Variants in DEAF1 observed in about 807,000 individuals in gnomAD.
DEAF1 encodes DEAF1 transcription factor, also known as deformed epidermal autoregulatory factor 1 homolog.
In DEAF1, 53 loss-of-function variants were observed where a neutral mutation model predicts 58.9. The ratio of observed to expected loss-of-function variants is 0.90; its 90% CI spans 0.72 to 1.13. DEAF1 has a LOEUF of 1.13. Among genes scored for constraint, DEAF1 ranks in the 50% most tolerant of loss-of-function variants. The pLI, the probability that DEAF1 is intolerant of heterozygous loss-of-function variation, is 0.00. For synonymous variants in DEAF1, 385 were observed against 340.4 expected (o/e 1.13, Z -1.44); for missense variants, 685 against 791.4 (o/e 0.87, Z 1.61).
chr11:663,087 G>A (rs1387159486), intron 10 of DEAF1, among the ~76,000 whole-genome samples: 3 of 152,158 alleles, frequency 2.0e-5, no homozygotes, highest in Non-Finnish European at 4.4e-5. Flanking sequence ...CTGACTGGGC[G>A]AATATCTTGA....
At chr11:703,253 A>G (rs1861582753) in intron 1 of DEAF1, 2 of 1,455,976 alleles carry the variant, frequency 1.4e-6, no homozygotes, top group African/African-American at 1.4e-5. Context: ...CACTTTTCCT[A>G]GTGACTGGCC....
At chr11:700,773 C>G in intron 1 of DEAF1, 1 of 1,401,552 alleles carries the variant, frequency 7.1e-7, no homozygotes, top group Non-Finnish European at 1.0e-6. Context: ...CACAGCCTTT[C>G]AAGAGTAATT....
At chr11:685,114 T>C (rs944972386) in intron 5 of DEAF1, 151 bp from the exon 6 acceptor site, 2 of 649,074 alleles carry the variant, frequency 3.1e-6, no homozygotes, top group African/African-American at 3.9e-5. Context: ...AGACAGAGTC[T>C]TGTTGGGTTG....
At chr11:684,847 C>T in intron 6 of DEAF1, 51 bp downstream of exon 6, 1 of 1,503,242 alleles carries the variant, frequency 6.7e-7, no homozygotes, top group Non-Finnish European at 9.1e-7. Flanking sequence ...ACCCACTCAG[C>T]CGCCCCCAGC....
chr11:703,233 A>G (rs1052805279), intron 1 of DEAF1: 131 of 1,478,214 alleles, frequency 8.9e-5, no homozygotes, highest in Non-Finnish European at 1.1e-4. Flanking sequence ...CCATTCCTGG[A>G]CAGGAAGGGC....
intron 10 of DEAF1, chr11:666,007 G>A (rs1053938056): frequency 1.3e-5 from 2 of 152,224 alleles, no homozygotes; most frequent in Non-Finnish European, 2.9e-5. Flanking sequence ...GACGGCTGAA[G>A]ACCGAGAACA....
chr11:654,353 G>C lies in DEAF1; in HGVS notation c.1504-302C>G, dbSNP rs988831376. Among the ~76,000 whole-genome samples the C allele has an allele frequency of 2.7e-5, 4 of 150,912 alleles. 1 individual carries two copies. Among genetic ancestry groups the C allele is most frequent in the African/African-American group, 9.9e-5 (4 of 40,474 alleles). ...AGCTAATTTGTGTATTTTTAGTAGA[G>C]ACAGGGTTTCACCATGTTGGTCAGG... On this transcript the variant is annotated intron_variant, in intron 10 of 11. Transcript: ENST00000382409.
rs948294180 is a variant in DEAF1 at position 692,167 on chromosome 11, C to G, written c.290-569G>C. On this transcript the variant is annotated intron_variant, in intron 1 of 11. Transcript: ENST00000382409. ...CCTGCCTATGTCCCTTGGTGCCACC[C>G]CACCGCACCCCCTACAACATGGAAC... The G allele has an allele frequency of 2.6e-5, 5 of 194,570 alleles. No individual in the cohort carries two copies. In the East Asian group the frequency reaches 4.9e-4, roughly 19 times the overall value. The allele number at this position is 194,570 out of a possible 1,614,324, so 12.1% of individuals were successfully genotyped here.
At chr11:704,412 G>A (rs891854123) in intron 1 of DEAF1, 57 of 1,276,600 alleles carry the variant, frequency 4.5e-5, no homozygotes, top group African/African-American at 1.4e-4. Context: ...GTCCTGGGCC[G>A]ACTTCCTTTG....
At chr11:684,323 CAGG>C (rs1356781459) in intron 6 of DEAF1, among the ~76,000 whole-genome samples, 1 of 151,946 alleles carries the variant, frequency 6.6e-6, no homozygotes, top group Non-Finnish European at 1.5e-5. Context: ...GAAGCTGAGG[CAGG>C]AGAAGTGCTT....
chr11:700,214 C>G, upstream of DEAF1: 1 of 1,613,930 alleles, frequency 6.2e-7, no homozygotes, highest in Non-Finnish European at 8.5e-7. Flanking sequence ...CCTCGCCACG[C>G]TCCTGATGAT....
In DEAF1 at chr11:680,966, T is replaced by C; in HGVS notation, c.994A>G (p.Thr332Ala). The C allele has an allele frequency of 6.2e-7, 1 of 1,613,884 alleles. No individual in the cohort carries two copies. The highest frequency in any genetic ancestry group is 8.5e-7 in the Non-Finnish European group (1 of 1,179,946). ...ITLLPATAAT[T>A]FTVTPSGQIT... ...AGCTGTGTTTTCTCAAACTCACAGG[T>C]GGTAGCCGCGGTGGCTGGAAGCAAT... The change falls in exon 7 of 12, where the codon ACC becomes GCC. Residue 332 changes from threonine (T) to alanine (A), a missense_variant. Thr to Ala is a moderately conservative substitution (Grantham distance 58). Coordinates refer to ENST00000382409, the MANE Select transcript of DEAF1 (RefSeq NM_021008.4).
rs889089724 is a variant in DEAF1 at position 654,986 on chromosome 11, C to T, written c.1504-935G>A. ...GAGATCGAGACCATCCTGGCTAACACGGTGAAACCCCGAGATTGTACCATT... is the reference window on the plus strand; with the variant it reads ...GAGATCGAGACCATCCTGGCTAACATGGTGAAACCCCGAGATTGTACCATT... On this transcript the variant is annotated intron_variant, in intron 10 of 11. Coordinates refer to ENST00000382409, the MANE Select transcript of DEAF1 (RefSeq NM_021008.4). Among the ~76,000 whole-genome samples the T allele has an allele frequency of 5.5e-4, 83 of 151,244 alleles. 2 individuals carry two copies. Among genetic ancestry groups the T allele is most frequent in the African/African-American group, 2.0e-3 (82 of 40,786 alleles).
intron 11 of DEAF1, among the ~76,000 whole-genome samples, chr11:645,300 C>T (rs534553956): frequency 2.0e-5 from 3 of 151,980 alleles, no homozygotes; most frequent in Non-Finnish European, 4.4e-5. Context: ...ATGTAAATTA[C>T]GATCAAGTTC....
chr11:661,047 C>A (rs754595216), intron 10 of DEAF1, among the ~76,000 whole-genome samples: 9 of 152,354 alleles, frequency 5.9e-5, no homozygotes, highest in Middle Eastern at 6.8e-3. Context: ...CTTACGTATT[C>A]TTCTCCCTTT....
At chr11:698,495 G>T (rs1208934025), upstream of DEAF1, among the ~76,000 whole-genome samples, 1 of 152,224 alleles carries the variant, frequency 6.6e-6, no homozygotes, top group Non-Finnish European at 1.5e-5. Context: ...AGTCATATAT[G>T]TGTGGCAAAT....
intron 2 of DEAF1, among the ~76,000 whole-genome samples, chr11:690,054 C>T (rs937778101): frequency 1.3e-5 from 2 of 150,706 alleles, no homozygotes; most frequent in African/African-American, 4.9e-5. Flanking sequence ...GGGCTGGGTG[C>T]GGTGGCTCAT....
chr11:674,468 G>A (rs1859966587), intron 10 of DEAF1, 68 bp downstream of exon 10: 1 of 1,609,214 alleles, frequency 6.2e-7, no homozygotes, highest in Non-Finnish European at 8.5e-7. Context: ...GCGCAGCTGG[G>A]CACAGGCACC....
rs1247551253 is a variant in DEAF1 at position 658,599 on chromosome 11, G to A, written c.1504-4548C>T. Among the ~76,000 whole-genome samples, 13 of 152,400 alleles carry A rather than the reference G, an allele frequency of 8.5e-5. No homozygotes were observed. The East Asian group carries it at 2.5e-3, about 29-fold the overall frequency. On this transcript the variant is annotated intron_variant, in intron 10 of 11. Transcript: ENST00000382409. ...ACTGCGGATGGCACAAAGGGCAGAA[G>A]TGCCCAGGCCTGCCCAGGCGCCCCA...
Sources: gnomAD v4.1 joint callset for allele counts (sites outside exome capture counted in the v4.1 genomes callset) on GRCh38, gnomAD v4.1.1 for gene constraint, MANE v1.5 for transcripts, NCBI Gene and HGNC (gene_info 2026-07-23, HGNC 2026-07-21) for gene names.